Variants in VPS13D observed in about 807,000 individuals in gnomAD.
VPS13D encodes vacuolar protein sorting 13 homolog D.
Under a neutral mutation model 461.9 loss-of-function variants are expected in VPS13D, and 187 were observed. That is an observed-to-expected ratio of 0.40 (90% CI 0.36 to 0.46). The LOEUF is 0.46. VPS13D is among the 20% of genes least tolerant of loss of function. The pLI, the probability that VPS13D is intolerant of heterozygous loss-of-function variation, is 0.60. For synonymous variants in VPS13D, 1,951 were observed against 1,986.3 expected (o/e 0.98, Z 0.47); for missense variants, 4,711 against 5,364.9 (o/e 0.88, Z 3.81).
intron 61 of VPS13D, among the ~76,000 whole-genome samples, chr1:12,401,099 T>C (rs1194549922): frequency 6.6e-6 from 1 of 152,062 alleles, no homozygotes; most frequent in Non-Finnish European, 1.5e-5. Context: ...CAAAAGCAGA[T>C]AGTTACAAAT....
At chr1:12,445,881 C>T (rs116492242) in intron 65 of VPS13D, among the ~76,000 whole-genome samples, 2,448 of 152,240 alleles carry the variant, frequency 0.016, 77 homozygotes, top group African/African-American at 0.055. Flanking sequence ...TTTGTTCTCC[C>T]AGATGCTAAA....
Position 12,234,672 on chromosome 1 carries a change from G to C in VPS13D, c.97+309G>C, listed in dbSNP as rs185006155. 7.3e-3 allele frequency among the ~76,000 whole-genome samples: 1,117 copies of C among 152,210 alleles called. 4 individuals carry two copies. The highest frequency in any genetic ancestry group is 0.012 in the Non-Finnish European group (831 of 67,974). On this transcript the variant is annotated intron_variant, in intron 2 of 69. Transcript: ENST00000620676. ...TTTATGGAGGCAGCCACAATGTACC[G>C]ACAGTGGCATTGACTTTGGCTTCAA...
chr1:12,350,404 A>C (rs1643768316), intron 46 of VPS13D, among the ~76,000 whole-genome samples: 2 of 152,170 alleles, frequency 1.3e-5, no homozygotes, highest in African/African-American at 4.8e-5. Flanking sequence ...GACATTAAAC[A>C]ATGTATTTGT....
chr1:12,240,801 A>C (rs890363103), intron 2 of VPS13D, among the ~76,000 whole-genome samples: 1 of 106,788 alleles, frequency 9.4e-6, no homozygotes, highest in Non-Finnish European at 1.7e-5. Flanking sequence ...TGTTAGTCGT[A>C]AGGTATGGTG....
intron 65 of VPS13D, among the ~76,000 whole-genome samples, chr1:12,441,596 C>T (rs548799360): frequency 1.3e-5 from 2 of 152,188 alleles, no homozygotes; most frequent in Admixed American, 6.5e-5. Context: ...TGAGAAGTCA[C>T]AGATTTGAAG....
intron 68 of VPS13D, among the ~76,000 whole-genome samples, chr1:12,504,425 C>T (rs1190812260): frequency 6.6e-6 from 1 of 152,184 alleles, no homozygotes; most frequent in African/African-American, 2.4e-5. Context: ...GTAGCAGCTT[C>T]GGGGCATGCA....
At position 12,406,423 on chromosome 1, in the gene VPS13D, G is replaced by A. The variant is rs551718838; in HGVS notation, c.12030+2450G>A. 1.4e-4 allele frequency among the ~76,000 whole-genome samples: 22 copies of A among 152,246 alleles called. 1 individual carries two copies. The South Asian group carries it at 3.9e-3, about 27-fold the overall frequency. On this transcript the variant is annotated intron_variant, in intron 63 of 69. Coordinates refer to ENST00000620676, the MANE Select transcript of VPS13D (RefSeq NM_015378.4). ...GGAGTCACGAGAGCCTGACTAAAAGGTAAACCACGTCTTTGGTATTGAAGG... is the reference window on the plus strand; with the variant it reads ...GGAGTCACGAGAGCCTGACTAAAAGATAAACCACGTCTTTGGTATTGAAGG...
intron 54 of VPS13D, among the ~76,000 whole-genome samples, chr1:12,370,155 A>T (rs1195585519): frequency 1.3e-5 from 2 of 152,222 alleles, no homozygotes; most frequent in Non-Finnish European, 2.9e-5. Context: ...TTTCACAGAA[A>T]TTCCATTGCC....
Position 12,244,236 on chromosome 1 carries a change from C to T in VPS13D, c.176-10C>T, listed in dbSNP as rs1167195535. 2 of 1,599,698 alleles carry T rather than the reference C, an allele frequency of 1.3e-6. No individual in the cohort carries two copies. Among genetic ancestry groups the T allele is most frequent in the Admixed American group, 1.8e-5 (1 of 56,006 alleles). ...ACAGATGGTGAACAAGACTTTCCTT[C>T]TCCTTCCAGGCTTCATTGGGAAAGT... On this transcript the variant is annotated splice_polypyrimidine_tract_variant and intron_variant, in intron 3 of 69. Coordinates refer to ENST00000620676, the MANE Select transcript of VPS13D (RefSeq NM_015378.4).
At chr1:12,260,821 G>A in intron 11 of VPS13D, 27 bp downstream of exon 11, 1 of 1,610,790 alleles carries the variant, frequency 6.2e-7, no homozygotes, top group East Asian at 2.2e-5. Flanking sequence ...AAGAGGATTT[G>A]TTCAGACCCA....
intron 67 of VPS13D, among the ~76,000 whole-genome samples, chr1:12,489,188 T>C (rs1645843591): frequency 6.6e-6 from 1 of 152,210 alleles, no homozygotes; most frequent in Admixed American, 6.5e-5. Context: ...AAAAAAAATC[T>C]GGAGTATTTT....
intron 20 of VPS13D, among the ~76,000 whole-genome samples, chr1:12,281,069 T>C (rs2101376963): frequency 6.6e-6 from 1 of 152,094 alleles, no homozygotes; most frequent in African/African-American, 2.4e-5. Context: ...ATCTATTTTT[T>C]TTTTTTTTGG....
chr1:12,400,393 A>T (rs2101681128), intron 61 of VPS13D, 63 bp downstream of exon 61: 7 of 1,586,084 alleles, frequency 4.4e-6, no homozygotes, highest in Non-Finnish European at 6.0e-6. Flanking sequence ...GTTCTCTCAC[A>T]GCCAAGTCTC....
In VPS13D at chr1:12,338,213, GTC is replaced by G. The variant is rs1643491357; in HGVS notation, c.8552-13_8552-12del. On this transcript the variant is annotated splice_polypyrimidine_tract_variant and intron_variant, in intron 39 of 69. Transcript: ENST00000620676. ...GTATTTATTCTTAGCCTCTAACTTT[GTC>G]TCTCCTGTCTACCAGGCCTCCCCCT... 1 of 1,606,178 alleles carries G rather than the reference GTC, an allele frequency of 6.2e-7. No homozygotes were observed. The highest frequency in any genetic ancestry group is 1.3e-5 in the African/African-American group (1 of 74,742).
rs777861657 is a variant in VPS13D, at chr1:12,234,357, C to T, written c.91C>T (p.Leu31Phe). 7 of 1,613,242 alleles carry T rather than the reference C, an allele frequency of 4.3e-6. No homozygotes were observed. The highest frequency in any genetic ancestry group is 1.7e-4 in the Middle Eastern group (1 of 6,058). Reference protein sequence around the residue: ...LNTDQLSVALLKGAVELENLP... With the variant: ...LNTDQLSVALFKGAVELENLP... ...CACTGACCAGCTCTCAGTTGCACTT[C>T]TCAAAGGTGAGTATTTCTCTGGGTG... The change falls in exon 2 of 70, where the codon CTC (leucine) becomes TTC (phenylalanine). Residue 31 changes from leucine to phenylalanine, a missense_variant. By Grantham distance (22) the Leu-to-Phe change is conservative. This residue lies in a region of VPS13D where 4,411 missense variants were observed against 4,937.8 expected (regional missense o/e 0.89). Transcript: ENST00000620676.
At chr1:12,363,351 A>C (rs1421334085) in intron 52 of VPS13D, 104 bp downstream of exon 52, 18 of 1,271,646 alleles carry the variant, frequency 1.4e-5, no homozygotes, top group Non-Finnish European at 2.0e-5. Flanking sequence ...TTTCTGGCTC[A>C]GACAGAGGTC....
Position 12,235,680 on chromosome 1 carries a change from A to G in VPS13D, c.97+1317A>G, listed in dbSNP as rs56299115. ...AGAGCCGTCATGGTCACGCCTCCCC[A>G]CTCTCTTCCTTTCCTTTCCTATTCT... is the stretch of plus-strand genomic sequence containing the variant. On this transcript the variant is annotated intron_variant, in intron 2 of 69. Coordinates refer to ENST00000620676, the MANE Select transcript of VPS13D (RefSeq NM_015378.4). Among the ~76,000 whole-genome samples, 625 of 152,186 alleles carry G rather than the reference A, an allele frequency of 4.1e-3. 6 individuals carry two copies. Among genetic ancestry groups the G allele is most frequent in the African/African-American group, 0.015 (604 of 41,544 alleles).
chr1:12,441,572 G>A (rs971411380), intron 65 of VPS13D, among the ~76,000 whole-genome samples: 1 of 152,218 alleles, frequency 6.6e-6, no homozygotes, highest in African/African-American at 2.4e-5. Context: ...CATTCCTGAG[G>A]ACCAGGTCGA....
At chr1:12,318,544 G>A (rs565654309) in intron 31 of VPS13D, among the ~76,000 whole-genome samples, 39 of 152,282 alleles carry the variant, frequency 2.6e-4, no homozygotes, top group African/African-American at 9.1e-4. Context: ...GGGGTCGCTT[G>A]TCCCTGTCCC....
Sources: allele counts gnomAD v4.1 joint callset (sites outside exome capture counted in the v4.1 genomes callset), GRCh38; gene constraint gnomAD v4.1.1; regional missense constraint gnomAD v4.1.1; transcripts MANE v1.5; gene names NCBI Gene and HGNC (gene_info 2026-07-23, HGNC 2026-07-21).